ZNF577: variants seen among roughly 807,000 people sequenced by gnomAD.
The protein encoded by ZNF577 is zinc finger protein 577.
A neutral mutation model predicts 13.9 loss-of-function variants in ZNF577; 14 were observed. The observed-to-expected ratio is 1.00, with a 90% CI of 0.66 to 1.57. The LOEUF is 1.57. ZNF577 is among the 40% of genes most tolerant of loss of function. ZNF577 has a pLI of 0.00. For missense variants in ZNF577, 555 were observed against 579.2 expected (o/e 0.96, Z 0.43); for synonymous variants, 203 against 202.9 (o/e 1.00, Z 0.00).
intron 9 of ZNF577, among the ~76,000 whole-genome samples, chr19:51,832,260 T>C (rs968637159): frequency 3.9e-5 from 6 of 152,312 alleles, no homozygotes; most frequent in Admixed American, 1.3e-4. Flanking sequence ...AGACACCTGG[T>C]AGCCATTAAA....
At chr19:51,840,451 T>G (rs986922514) in intron 8 of ZNF577, 1 of 152,318 alleles carries the variant, frequency 6.6e-6, no homozygotes, top group Non-Finnish European at 1.5e-5. Flanking sequence ...AGAGAAGTCT[T>G]AGGAAACCAG....
At position 51,855,373 on chromosome 19, in the gene ZNF577, G is replaced by GTGTGTGTA. The variant is rs1330111951; in HGVS notation, c.284-10443_284-10442insTACACACA. 5.5e-4 allele frequency among the ~76,000 whole-genome samples: 47 copies of GTGTGTGTA among 85,118 alleles called. 1 individual carries two copies. The South Asian group carries it at 8.7e-3, about 16-fold the overall frequency. 55.8% of individuals were successfully genotyped at this position (85,118 alleles called of 152,430 possible). On this transcript the variant is annotated intron_variant and NMD_transcript_variant, in intron 5 of 10. Transcript: ENST00000638827. ...CCACTCTTTGCTGAGGGTGCTGTGTGTGTGTGTGTGTGTGTGTGTGTGTGT... is the reference window on the plus strand; with the variant it reads ...CCACTCTTTGCTGAGGGTGCTGTGTGTGTGTGTATGTGTGTGTGTGTGTGTGTGTGTGT...
rs1446971783 is a variant in ZNF577, at chr19:51,816,505, C to A, written c.*600-4831G>T. On this transcript the variant is annotated intron_variant and NMD_transcript_variant, in intron 9 of 10. Transcript: ENST00000638827. Reference sequence around the variant, plus strand: ...TCAAGTGATCCACCAGCCTCAGACTCTCAAAGTGCTGGGATTACTGGCGTG... The same window carrying A: ...TCAAGTGATCCACCAGCCTCAGACTATCAAAGTGCTGGGATTACTGGCGTG... Among the ~76,000 whole-genome samples the A allele has an allele frequency of 2.0e-5, 3 of 152,250 alleles. No individual in the cohort carries two copies. The South Asian group carries it at 6.2e-4, about 31-fold the overall frequency.
intron 9 of ZNF577, among the ~76,000 whole-genome samples, chr19:51,818,109 G>A (rs2084156120): frequency 6.6e-6 from 1 of 151,914 alleles, no homozygotes; most frequent in Non-Finnish European, 1.5e-5. Context: ...ACTGTCGCAA[G>A]GACAAATACA....
chr19:51,819,268 A>G (rs1186324870), intron 9 of ZNF577, among the ~76,000 whole-genome samples: 7 of 152,192 alleles, frequency 4.6e-5, no homozygotes, highest in Admixed American at 3.9e-4. Context: ...CAAGAAGTCA[A>G]TTGGTTATAT....
chr19:51,818,792 C>T (rs1266165340), intron 9 of ZNF577, among the ~76,000 whole-genome samples: 1 of 152,154 alleles, frequency 6.6e-6, no homozygotes, highest in Admixed American at 6.5e-5. Flanking sequence ...TCTGGGGATA[C>T]ACAAGACAAA....
At position 51,872,533 on chromosome 19, in the gene ZNF577, T is replaced by C; in HGVS notation, c.1457A>G (p.Ter486=). 1.3e-6 allele frequency: 2 copies of C among 1,565,014 alleles called. No individual in the cohort carries two copies. The highest frequency in any genetic ancestry group is 1.7e-6 in the Non-Finnish European group (2 of 1,156,638). Reference sequence around the variant, plus strand: ...CCCACCTTTCTGGTATCAGAAGATTTATTCTGATACAATATCTGTAAGATA... The same window carrying C: ...CCCACCTTTCTGGTATCAGAAGATTCATTCTGATACAATATCTGTAAGATA... ...ILYLTDIVSE[*] Residue 486 remains the stop codon, a stop_retained_variant, in exon 6 of 6, where the codon TAA becomes TGA. Coordinates refer to ENST00000638348, the MANE Select transcript of ZNF577 (RefSeq NM_001370449.1).
chr19:51,840,198 A>C (rs1176582497), intron 8 of ZNF577: 1 of 152,364 alleles, frequency 6.6e-6, no homozygotes, highest in East Asian at 1.9e-4. Flanking sequence ...AGCGTTGTGC[A>C]TTCTCAGGAA....
intron 1 of ZNF577, among the ~76,000 whole-genome samples, chr19:51,884,068 C>T (rs1040841204): frequency 4.6e-5 from 7 of 152,040 alleles, no homozygotes; most frequent in South Asian, 2.1e-4. Context: ...AGTGAGAGTC[C>T]ACTCACCCAA....
chr19:51,819,300 G>A (rs896615471), intron 9 of ZNF577, among the ~76,000 whole-genome samples: 1 of 152,142 alleles, frequency 6.6e-6, no homozygotes, highest in Non-Finnish European at 1.5e-5. Flanking sequence ...TCCTGGGGAG[G>A]CCAGTGCTAA....
chr19:51,848,648 A>G (rs962925594), intron 5 of ZNF577, among the ~76,000 whole-genome samples: 3 of 152,152 alleles, frequency 2.0e-5, no homozygotes, highest in African/African-American at 7.2e-5. Flanking sequence ...GGCAACCACA[A>G]TCCAGGCCAC....
intron 10 of ZNF577, among the ~76,000 whole-genome samples, chr19:51,807,874 T>G (rs2084070580): frequency 6.6e-6 from 1 of 152,254 alleles, no homozygotes; most frequent in South Asian, 2.1e-4. Context: ...GACCTATGCC[T>G]GCCCATAGTC....
At position 51,880,404 on chromosome 19, in the gene ZNF577, G is replaced by C. The variant is rs573124584; in HGVS notation, c.-19-3C>G. 1 of 1,612,786 alleles carries C rather than the reference G, an allele frequency of 6.2e-7. No homozygotes were observed. The highest frequency in any genetic ancestry group is 1.3e-5 in the African/African-American group (1 of 74,774). On this transcript the variant is annotated splice_polypyrimidine_tract_variant and splice_region_variant and intron_variant, in intron 2 of 5. Transcript: ENST00000638348. ...TCATGTGTTTCCTGTTATTTCAGCT[G>C]CCAAAAAAAAGGAGACACAGTTTAA...
At position 51,827,065 on chromosome 19, in the gene ZNF577, G is replaced by C. The variant is rs1212344224; in HGVS notation, c.*599+12828C>G. ...TGGCCACATGACGTCTGGCAATAAA[G>C]GATTATAGAAACTATAATCCTACAT... is the stretch of plus-strand genomic sequence containing the variant. On this transcript the variant is annotated intron_variant and NMD_transcript_variant, in intron 9 of 10. Coordinates refer to the ZNF577 transcript ENST00000638827. 3.3e-5 allele frequency among the ~76,000 whole-genome samples: 5 copies of C among 152,240 alleles called. No individual in the cohort carries two copies. In the South Asian group the frequency reaches 8.3e-4, roughly 25 times the overall value.
chr19:51,846,788 A>G (rs988259185), intron 5 of ZNF577, among the ~76,000 whole-genome samples: 1 of 152,052 alleles, frequency 6.6e-6, no homozygotes, highest in Non-Finnish European at 1.5e-5. Flanking sequence ...CCAGAAAAAG[A>G]TCTCTCACCA....
At chr19:51,885,788 G>A (rs917470290) in intron 1 of ZNF577, among the ~76,000 whole-genome samples, 11 of 151,996 alleles carry the variant, frequency 7.2e-5, no homozygotes, top group Admixed American at 3.3e-4. Context: ...GATTACAGGC[G>A]TGAGCTCTCA....
chr19:51,860,908 A>C (rs2084491043), intron 5 of ZNF577: 2 of 405,280 alleles, frequency 4.9e-6, no homozygotes, highest in Middle Eastern at 6.8e-4. Context: ...TTTTACCTGC[A>C]ATGAGGTGTG....
chr19:51,854,771 T>A (rs2084401322), intron 5 of ZNF577, among the ~76,000 whole-genome samples: 1 of 152,182 alleles, frequency 6.6e-6, no homozygotes. Flanking sequence ...ATTACATATG[T>A]GTTGGTGTGC....
chr19:51,875,142 A>G (rs1459566914), intron 5 of ZNF577, among the ~76,000 whole-genome samples: 3 of 151,932 alleles, frequency 2.0e-5, no homozygotes, highest in African/African-American at 7.3e-5. Flanking sequence ...GTCGAGGTGG[A>G]TGGGAGGAGT....
Sources: gnomAD v4.1 joint callset for allele counts (sites outside exome capture counted in the v4.1 genomes callset) on GRCh38, gnomAD v4.1.1 for gene constraint, MANE v1.5 for transcripts, NCBI Gene and HGNC (gene_info 2026-07-23, HGNC 2026-07-21) for gene names.